Variants in PDS5B observed in about 807,000 individuals in gnomAD.
PDS5B encodes the protein PDS5 cohesin associated factor B, also known as sister chromatid cohesion protein PDS5 homolog B.
In PDS5B, 51 loss-of-function variants were observed where a neutral mutation model predicts 184.1. The ratio of observed to expected loss-of-function variants is 0.28; its 90% CI spans 0.22 to 0.35. The LOEUF is 0.35. Among genes scored for constraint, PDS5B ranks in the 10% least tolerant of loss-of-function variants. PDS5B has a pLI of 1.00. For missense variants in PDS5B, 1,180 were observed against 1,723.3 expected (o/e 0.68, Z 5.58); for synonymous variants, 566 against 569.2 (o/e 0.99, Z 0.08).
intron 19 of PDS5B, among the ~76,000 whole-genome samples, chr13:32,714,541 GAGAC>G (rs1952310512): frequency 1.3e-5 from 2 of 152,198 alleles, no homozygotes; most frequent in African/African-American, 4.8e-5. Flanking sequence ...TCAACCATAA[GAGAC>G]AGGCGCACCT....
intron 16 of PDS5B, 61 bp downstream of exon 16, chr13:32,699,930 C>T (rs1404426702): frequency 1.4e-6 from 2 of 1,438,124 alleles, no homozygotes; most frequent in Non-Finnish European, 1.8e-6. Context: ...TTGTTTCTCT[C>T]TTTTATAAAA....
chr13:32,618,043 G>A (rs2058244503), intron 1 of PDS5B, among the ~76,000 whole-genome samples: 1 of 152,172 alleles, frequency 6.6e-6, no homozygotes, highest in Non-Finnish European at 1.5e-5. Context: ...TTCTCATATG[G>A]TGGAAGGAAG....
intron 1 of PDS5B, among the ~76,000 whole-genome samples, chr13:32,636,226 TAGGGATGA>T (rs113732976): frequency 0.048 from 7,311 of 152,224 alleles, 473 homozygotes; most frequent in African/African-American, 0.16. Context: ...ATCTGTAACA[TAGGGATGA>T]TTCCTACTTT....
At chr13:32,760,532 T>A (rs747140543) in intron 29 of PDS5B, 43 bp from the exon 30 acceptor site, 1 of 1,589,238 alleles carries the variant, frequency 6.3e-7, no homozygotes, top group South Asian at 1.1e-5. Context: ...AACTTTCTTT[T>A]GGCTTTAACC....
chr13:32,654,605 G>A (rs571496145), intron 3 of PDS5B, among the ~76,000 whole-genome samples: 7 of 152,042 alleles, frequency 4.6e-5, no homozygotes, highest in East Asian at 1.9e-4. Flanking sequence ...CATGTCATGA[G>A]GGTTTGGTGT....
chr13:32,611,087 G>A (rs1372777031), intron 1 of PDS5B, among the ~76,000 whole-genome samples: 1 of 151,528 alleles, frequency 6.6e-6, no homozygotes, highest in Non-Finnish European at 1.5e-5. Flanking sequence ...ATCACAAATA[G>A]GGGCATTTCA....
chr13:32,592,230 C>T lies in PDS5B; in HGVS notation c.-20+5637C>T, dbSNP rs2057787076. ...CCTGGACCTGGGTATTTCAAATGCC[C>T]CAGAGATGAGGTGTGCTTAGTTTTT... On this transcript the variant is annotated intron_variant, in intron 1 of 34. Transcript: ENST00000315596. 2.0e-5 allele frequency among the ~76,000 whole-genome samples: 3 copies of T among 152,152 alleles called. No homozygotes were observed. The South Asian group carries it at 6.2e-4, about 32-fold the overall frequency.
intron 33 of PDS5B, among the ~76,000 whole-genome samples, chr13:32,772,019 G>A (rs561248170): frequency 6.6e-6 from 1 of 151,820 alleles, no homozygotes; most frequent in South Asian, 2.1e-4. Flanking sequence ...TCACTGGGAA[G>A]CTCTTTCTAG....
chr13:32,629,110 G>T (rs1414700964), intron 1 of PDS5B, among the ~76,000 whole-genome samples: 1 of 152,138 alleles, frequency 6.6e-6, no homozygotes, highest in Non-Finnish European at 1.5e-5. Context: ...AAGAGAAGTT[G>T]GGGGTATTGG....
intron 1 of PDS5B, among the ~76,000 whole-genome samples, chr13:32,606,845 C>T (rs1399119204): frequency 6.6e-6 from 1 of 152,196 alleles, no homozygotes; most frequent in Admixed American, 6.5e-5. Flanking sequence ...CTTTCTTCCA[C>T]TTGATCAGAT....
intron 6 of PDS5B, among the ~76,000 whole-genome samples, chr13:32,664,212 A>C (rs1399091465): frequency 6.6e-6 from 1 of 152,224 alleles, no homozygotes; most frequent in East Asian, 1.9e-4. Flanking sequence ...AAGACAAGAC[A>C]TACAATATAA....
At position 32,638,250 on chromosome 13, in the gene PDS5B, A is replaced by G. The variant is rs537494374; in HGVS notation, c.-19-10504A>G. ...CAATGTCCCATTGCCTAAAAGAGTC[A>G]TAACGCCATCTCAGATTCTAGGTCT... On this transcript the variant is annotated intron_variant, in intron 1 of 34. Coordinates refer to ENST00000315596, the MANE Select transcript of PDS5B (RefSeq NM_015032.4). Among the ~76,000 whole-genome samples, 79 of 152,364 alleles carry G rather than the reference A, an allele frequency of 5.2e-4. No individual in the cohort carries two copies. In the South Asian group the frequency reaches 0.016, roughly 31 times the overall value.
At chr13:32,598,233 C>G (rs897721890) in intron 1 of PDS5B, among the ~76,000 whole-genome samples, 1 of 151,786 alleles carries the variant, frequency 6.6e-6, no homozygotes, top group African/African-American at 2.4e-5. Flanking sequence ...CCACCACGCC[C>G]AGCAAATTTT....
chr13:32,768,844 G>A (rs1186575708), intron 31 of PDS5B, among the ~76,000 whole-genome samples: 1 of 140,648 alleles, frequency 7.1e-6, no homozygotes, highest in Admixed American at 7.4e-5. Flanking sequence ...GCTCATGCCT[G>A]TAATCCCAGC....
intron 7 of PDS5B, among the ~76,000 whole-genome samples, chr13:32,668,747 C>A (rs914823749): frequency 6.6e-6 from 1 of 152,088 alleles, no homozygotes; most frequent in Non-Finnish European, 1.5e-5. Flanking sequence ...CTTATGCATT[C>A]TCCTAAAATT....
chr13:32,654,659 G>C (rs1255538980), intron 3 of PDS5B, among the ~76,000 whole-genome samples: 1 of 152,026 alleles, frequency 6.6e-6, no homozygotes, highest in Non-Finnish European at 1.5e-5. Context: ...TTCCCAATAG[G>C]TAGTTTTCCG....
chr13:32,600,025 T>A (rs1193178991), intron 1 of PDS5B, among the ~76,000 whole-genome samples: 2 of 152,116 alleles, frequency 1.3e-5, no homozygotes, highest in Non-Finnish European at 2.9e-5. Context: ...TATTAATTTT[T>A]TTCTCTGTTT....
intron 1 of PDS5B, among the ~76,000 whole-genome samples, chr13:32,638,390 C>G (rs2140609126): frequency 6.6e-6 from 1 of 152,270 alleles, no homozygotes; most frequent in Non-Finnish European, 1.5e-5. Flanking sequence ...GTGACTGTGG[C>G]AAAAGCATTT....
chr13:32,617,942 A>G (rs570295684), intron 1 of PDS5B, among the ~76,000 whole-genome samples: 1 of 152,324 alleles, frequency 6.6e-6, no homozygotes, highest in Non-Finnish European at 1.5e-5. Flanking sequence ...TATTTCTCAC[A>G]GTTCTGGAGG....
Sources: allele counts gnomAD v4.1 joint callset (sites outside exome capture counted in the v4.1 genomes callset), GRCh38; gene constraint gnomAD v4.1.1; transcripts MANE v1.5; gene names NCBI Gene and HGNC (gene_info 2026-07-23, HGNC 2026-07-21).